The following KIFAP3 variants were observed in gnomAD, a reference collection of about 807,000 sequenced individuals.
The protein encoded by KIFAP3 is kinesin-associated protein 3.
In KIFAP3, 68 loss-of-function variants were observed where a neutral mutation model predicts 106.5. The observed-to-expected ratio is 0.64, with a 90% CI of 0.53 to 0.78. The LOEUF (loss-of-function observed/expected upper bound fraction) is 0.78. Among genes scored for constraint, KIFAP3 ranks in the 30% least tolerant of loss-of-function variants. The pLI, the probability that KIFAP3 is intolerant of heterozygous loss-of-function variation, is 0.00. For synonymous variants in KIFAP3, 320 were observed against 311.5 expected (o/e 1.03, Z -0.29); for missense variants, 780 against 941.8 (o/e 0.83, Z 2.25).
chr1:170,022,922 AATAGAT>A (rs1189556578), intron 9 of KIFAP3, among the ~76,000 whole-genome samples: 1 of 152,186 alleles, frequency 6.6e-6, no homozygotes, highest in Non-Finnish European at 1.5e-5. Context: ...ATACATACAT[AATAGAT>A]ATATGCTGAT....
chr1:169,963,261 T>C (rs979115842), intron 17 of KIFAP3, among the ~76,000 whole-genome samples: 11 of 152,210 alleles, frequency 7.2e-5, no homozygotes, highest in Non-Finnish European at 1.5e-5. Context: ...GCTCCATCCA[T>C]GTTGCTGCAA....
chr1:170,006,641 C>A (rs571896815), intron 10 of KIFAP3, among the ~76,000 whole-genome samples: 6 of 151,988 alleles, frequency 3.9e-5, no homozygotes, highest in African/African-American at 1.4e-4. Flanking sequence ...GATAACTCTG[C>A]CAGTTTTGGT....
chr1:169,969,163 C>T (rs532013619), intron 17 of KIFAP3, among the ~76,000 whole-genome samples: 27 of 152,142 alleles, frequency 1.8e-4, no homozygotes, highest in Admixed American at 1.5e-3. Flanking sequence ...TTGAAAATCA[C>T]TACTCCCACA....
At chr1:169,944,421 C>T (rs545580993) in intron 19 of KIFAP3, among the ~76,000 whole-genome samples, 1 of 152,322 alleles carries the variant, frequency 6.6e-6, no homozygotes, top group Non-Finnish European at 1.5e-5. Flanking sequence ...CAGAGCCCCA[C>T]AGAGGGTGTC....
chr1:169,956,718 G>T (rs1333019750), intron 18 of KIFAP3, among the ~76,000 whole-genome samples: 1 of 149,618 alleles, frequency 6.7e-6, no homozygotes, highest in African/African-American at 2.5e-5. Flanking sequence ...GGGTTCAAGT[G>T]ATCCTCCTGA....
At chr1:169,962,995 A>C (rs1311316899) in intron 17 of KIFAP3, among the ~76,000 whole-genome samples, 1 of 152,106 alleles carries the variant, frequency 6.6e-6, no homozygotes, top group South Asian at 2.1e-4. Context: ...ACATGTGCAG[A>C]TTTGTTATAT....
chr1:170,003,683 C>T (rs546832550), intron 10 of KIFAP3, among the ~76,000 whole-genome samples: 79 of 152,286 alleles, frequency 5.2e-4, no homozygotes, highest in African/African-American at 1.7e-3. Flanking sequence ...GTGGGCTCCA[C>T]CCAGTTCGAG....
chr1:170,061,989 A>G (rs1000852920), intron 1 of KIFAP3, among the ~76,000 whole-genome samples: 2 of 152,068 alleles, frequency 1.3e-5, no homozygotes. Flanking sequence ...CAGAATGGGG[A>G]ACATCACACA....
intron 19 of KIFAP3, among the ~76,000 whole-genome samples, chr1:169,922,237 G>A (rs1442218922): frequency 1.3e-5 from 2 of 152,156 alleles, no homozygotes; most frequent in Non-Finnish European, 2.9e-5. Flanking sequence ...GTAAAAACAT[G>A]TGTTTGAGTT....
intron 19 of KIFAP3, among the ~76,000 whole-genome samples, chr1:169,946,867 A>T (rs1242573195): frequency 6.6e-6 from 1 of 151,998 alleles, no homozygotes; most frequent in African/African-American, 2.4e-5. Flanking sequence ...ACAGAAAGAA[A>T]AAAGGGATTT....
At chr1:170,021,941 CTTTTTTT>C (rs71125221) in intron 9 of KIFAP3, among the ~76,000 whole-genome samples, 26 of 77,904 alleles carry the variant, frequency 3.3e-4, no homozygotes, top group African/African-American at 6.2e-4. Context: ...TCTTTTCTTT[CTTTTTTT>C]TTTTTTTTTT....
At chr1:170,052,243 G>T (rs1439077810) in intron 2 of KIFAP3, among the ~76,000 whole-genome samples, 3 of 152,036 alleles carry the variant, frequency 2.0e-5, no homozygotes, top group African/African-American at 7.2e-5. Context: ...TATAAGAAAT[G>T]AATAAATTCC....
chr1:169,972,110 T>C (rs1307354942), intron 17 of KIFAP3, among the ~76,000 whole-genome samples: 4 of 151,970 alleles, frequency 2.6e-5, no homozygotes, highest in Non-Finnish European at 5.9e-5. Context: ...ATGTATAAAA[T>C]AAAACTATCA....
intron 3 of KIFAP3, among the ~76,000 whole-genome samples, chr1:170,039,614 C>T (rs1321010850): frequency 1.3e-5 from 2 of 151,784 alleles, no homozygotes; most frequent in Admixed American, 6.6e-5. Context: ...CTTTCCCTTC[C>T]TAATTCAAAT....
At chr1:169,944,712 C>T (rs996276002) in intron 19 of KIFAP3, among the ~76,000 whole-genome samples, 4 of 152,102 alleles carry the variant, frequency 2.6e-5, no homozygotes, top group South Asian at 2.1e-4. Context: ...TTTCTGCAGG[C>T]GGCCTGATGA....
At chr1:169,927,204 G>A (rs1488292243) in intron 19 of KIFAP3, among the ~76,000 whole-genome samples, 1 of 152,104 alleles carries the variant, frequency 6.6e-6, no homozygotes, top group Non-Finnish European at 1.5e-5. Flanking sequence ...CATTTATTGA[G>A]TTCCTACAAT....
rs1017855989 is a variant in KIFAP3 at position 169,928,126 on chromosome 1, G to A, written c.2274-6345C>T. ...CTCTTTTTTTTTTCTTTGAGATGGA[G>A]TCTTGCTCTGTTGCCCAGGCTGGAG... On this transcript the variant is annotated intron_variant, in intron 19 of 19. Transcript: ENST00000361580. Among the ~76,000 whole-genome samples, 3 of 150,806 alleles carry A rather than the reference G, an allele frequency of 2.0e-5. No individual in the cohort carries two copies. The South Asian group carries it at 6.3e-4, about 32-fold the overall frequency.
chr1:169,981,737 G>C (rs1481674738), intron 15 of KIFAP3, among the ~76,000 whole-genome samples: 2 of 152,036 alleles, frequency 1.3e-5, no homozygotes, highest in African/African-American at 4.8e-5. Flanking sequence ...CTGTAAAATT[G>C]GTCCTGAACT....
intron 2 of KIFAP3, 76 bp downstream of exon 2, chr1:170,055,229 T>C: frequency 7.5e-7 from 1 of 1,341,122 alleles, no homozygotes. Context: ...CCTATGCTGA[T>C]CAAAATAATA....
Sources: allele counts gnomAD v4.1 joint callset (sites outside exome capture counted in the v4.1 genomes callset), GRCh38; gene constraint gnomAD v4.1.1; transcripts MANE v1.5; gene names NCBI Gene and HGNC (gene_info 2026-07-23, HGNC 2026-07-21).